Variants in ST6GALNAC1 observed in about 807,000 individuals in gnomAD.
ST6GALNAC1 encodes the protein alpha-N-acetylgalactosaminide alpha-2,6-sialyltransferase 1.
Under a neutral mutation model 56.8 loss-of-function variants are expected in ST6GALNAC1, and 45 were observed. The ratio of observed to expected loss-of-function variants is 0.79; its 90% CI spans 0.62 to 1.02. ST6GALNAC1 has a LOEUF of 1.02. Among genes scored for constraint, ST6GALNAC1 ranks in the 50% least tolerant of loss-of-function variants. The probability of loss-of-function intolerance (pLI) is 0.00; values close to 1 mark genes in which losing one functional copy is unlikely to be tolerated. For synonymous variants in ST6GALNAC1, 295 were observed against 297.8 expected (o/e 0.99, Z 0.10); for missense variants, 743 against 754.8 (o/e 0.98, Z 0.18).
At chr17:76,639,286 G>A (rs925736881) in intron 1 of ST6GALNAC1, among the ~76,000 whole-genome samples, 1 of 152,100 alleles carries the variant, frequency 6.6e-6, no homozygotes, top group Non-Finnish European at 1.5e-5. Flanking sequence ...AGACAAATAA[G>A]ACAATGCCGG....
chr17:76,620,981 A>C (rs747723079), downstream of ST6GALNAC1, among the ~76,000 whole-genome samples: 1 of 152,172 alleles, frequency 6.6e-6, no homozygotes, highest in Non-Finnish European at 1.5e-5. Context: ...AGAGAACTGT[A>C]ACCTAACTTG....
intron 1 of ST6GALNAC1, among the ~76,000 whole-genome samples, chr17:76,635,790 T>C (rs1325913337): frequency 6.6e-6 from 1 of 152,170 alleles, no homozygotes; most frequent in Non-Finnish European, 1.5e-5. Context: ...TGCTAGAGAT[T>C]AAAGATAAAA....
chr17:76,637,584 A>G (rs973406884), intron 1 of ST6GALNAC1: 1 of 396,740 alleles, frequency 2.5e-6, no homozygotes, highest in African/African-American at 2.1e-5. Flanking sequence ...AAAAAAACCC[A>G]AAAAAAGTCT....
rs1254491385 is a variant in ST6GALNAC1, at chr17:76,627,806, A to G, written c.832-223T>C. Among the ~76,000 whole-genome samples the G allele has an allele frequency of 5.3e-5, 8 of 152,112 alleles. No homozygotes were observed. In the East Asian group the frequency reaches 1.5e-3, roughly 29 times the overall value. ...ATGGGTGTTCTCGGCCATCGAGGCAAATGCACCTAGGCCGGGTGTGGTGGC... is the reference window on the plus strand; with the variant it reads ...ATGGGTGTTCTCGGCCATCGAGGCAGATGCACCTAGGCCGGGTGTGGTGGC... On this transcript the variant is annotated intron_variant, in intron 2 of 8. Coordinates refer to ENST00000156626, the MANE Select transcript of ST6GALNAC1 (RefSeq NM_018414.5). This position sits in a 1 kb window ranked among gnomAD's most constrained non-coding sequence, Gnocchi z 4.4.
In ST6GALNAC1 at chr17:76,626,332, G is replaced by A; in HGVS notation, c.1372C>T (p.Leu458Phe). Reference sequence around the variant, plus strand: ...TTTGACATCACCGTCTGATTCATAAGCAGTGCTTCCAGCCACTCATAGTCC... The same window carrying A: ...TTTGACATCACCGTCTGATTCATAAACAGTGCTTCCAGCCACTCATAGTCC... The part of the protein sequence containing the change: ...TRDYEWLEAL[L>F]MNQTVMSKNL... The change falls in exon 6 of 9, where the codon CTT becomes TTT. Residue 458 changes from leucine (L) to phenylalanine (F), a missense_variant. Physicochemically the swap from Leu to Phe is conservative, Grantham distance 22. Transcript: ENST00000156626. 2 of 1,614,214 alleles carry A rather than the reference G, an allele frequency of 1.2e-6. No individual in the cohort carries two copies. Among genetic ancestry groups the A allele is most frequent in the Non-Finnish European group, 1.7e-6 (2 of 1,180,032 alleles).
chr17:76,631,127 A>T (rs1178143577), intron 1 of ST6GALNAC1, among the ~76,000 whole-genome samples: 1 of 151,400 alleles, frequency 6.6e-6, no homozygotes, highest in Non-Finnish European at 1.5e-5. Context: ...GTGTGTGTTT[A>T]GAGACTGGAT....
chr17:76,633,098 A>G (rs2075929318), intron 1 of ST6GALNAC1, among the ~76,000 whole-genome samples: 1 of 152,136 alleles, frequency 6.6e-6, no homozygotes, highest in Non-Finnish European at 1.5e-5. Flanking sequence ...AATCCCAGCT[A>G]TTCCGGAGGC....
intron 1 of ST6GALNAC1, among the ~76,000 whole-genome samples, chr17:76,634,837 T>TCG (rs1485370388): frequency 3.9e-5 from 6 of 152,042 alleles, no homozygotes; most frequent in African/African-American, 1.4e-4. Context: ...TGAGCTGAGA[T>TCG]CGTACCACTG....
At chr17:76,619,766 GGC>G (rs2075722369), downstream of ST6GALNAC1, among the ~76,000 whole-genome samples, 1 of 76,474 alleles carries the variant, frequency 1.3e-5, no homozygotes, top group Non-Finnish European at 2.5e-5. Context: ...TTTTTTTTTA[GGC>G]AGAGTCTCAC....
chr17:76,627,072 C>G lies in ST6GALNAC1; in HGVS notation c.1167G>C (p.Val389=), dbSNP rs1657633174. 1 of 1,544,760 alleles carries G rather than the reference C, an allele frequency of 6.5e-7. No homozygotes were observed. Reference sequence around the variant, plus strand: ...CTTGGGTGGGGACAGCTTACCGGAACACGTAGTCGTGACTGTCTATCTCCT... The same window carrying G: ...CTTGGGTGGGGACAGCTTACCGGAAGACGTAGTCGTGACTGTCTATCTCCT... ...MGQEIDSHDY[V]FRLSGALIKG... The change falls in exon 4 of 9, where the codon GTG becomes GTC. Residue 389 remains valine, a synonymous_variant. Transcript: ENST00000156626. The surrounding 1 kb of genome is among the most constrained non-coding windows in gnomAD (Gnocchi z 4.4).
At position 76,627,783 on chromosome 17, in the gene ST6GALNAC1, G is replaced by C. The variant is rs78856096; in HGVS notation, c.832-200C>G. ...TGTGGTCCTGAGGGTTCTGGGAAAT[G>C]GGTGTTCTCGGCCATCGAGGCAAAT... On this transcript the variant is annotated intron_variant, in intron 2 of 8. Transcript: ENST00000156626. The surrounding 1 kb of genome is among the most constrained non-coding windows in gnomAD (Gnocchi z 4.4). Among the ~76,000 whole-genome samples, 1,760 of 152,294 alleles carry C rather than the reference G, an allele frequency of 0.012. 19 individuals are homozygous for C. Among genetic ancestry groups the C allele is most frequent in the Non-Finnish European group, 0.019 (1,319 of 68,004 alleles).
At chr17:76,621,709 A>G (rs925244407), downstream of ST6GALNAC1, among the ~76,000 whole-genome samples, 1 of 152,046 alleles carries the variant, frequency 6.6e-6, no homozygotes, top group Non-Finnish European at 1.5e-5. Context: ...TCCTGACCTC[A>G]GGTGATCCGC....
At chr17:76,637,731 A>C in intron 1 of ST6GALNAC1, 1 of 399,028 alleles carries the variant, frequency 2.5e-6, no homozygotes, top group East Asian at 3.6e-5. Flanking sequence ...AGCCCTTGAT[A>C]CCATCCTGCA....
downstream of ST6GALNAC1, among the ~76,000 whole-genome samples, chr17:76,622,833 G>T (rs1168371564): frequency 2.1e-5 from 3 of 141,918 alleles, no homozygotes; most frequent in Non-Finnish European, 3.0e-5. Flanking sequence ...TTGCTCTATC[G>T]CCCAGGCTGG....
At chr17:76,618,355 A>C in the ST6GALNAC1 span, among the ~76,000 whole-genome samples, 1 of 152,142 alleles carries the variant, frequency 6.6e-6, no homozygotes, top group Admixed American at 6.5e-5. Context: ...TGTTTCAGAG[A>C]GATTCTTTAA....
At position 76,627,799 on chromosome 17, in the gene ST6GALNAC1, C is replaced by T. The variant is rs367949095; in HGVS notation, c.832-216G>A. On this transcript the variant is annotated intron_variant, in intron 2 of 8. Transcript: ENST00000156626. The surrounding 1 kb of genome is among the most constrained non-coding windows in gnomAD (Gnocchi z 4.4). ...CTGGGAAATGGGTGTTCTCGGCCATCGAGGCAAATGCACCTAGGCCGGGTG... is the reference window on the plus strand; with the variant it reads ...CTGGGAAATGGGTGTTCTCGGCCATTGAGGCAAATGCACCTAGGCCGGGTG... Among the ~76,000 whole-genome samples, 1 of 152,086 alleles carries T rather than the reference C, an allele frequency of 6.6e-6. No individual in the cohort carries two copies. The highest frequency in any genetic ancestry group is 6.6e-5 in the Admixed American group (1 of 15,262).
In ST6GALNAC1 at chr17:76,629,482, T is replaced by A; in HGVS notation, c.361A>T (p.Arg121Trp). 2 of 1,614,136 alleles carry A rather than the reference T, an allele frequency of 1.2e-6. No individual in the cohort carries two copies. Among genetic ancestry groups the A allele is most frequent in the Non-Finnish European group, 1.7e-6 (2 of 1,180,022 alleles). ...TTTTCTGGGCTCTTCCATGCTGCCC[T>A]CTGTGCTGTGTGGGGCACCTTGTCC... is the stretch of plus-strand genomic sequence containing the variant. The part of the protein sequence containing the change: ...EQDKVPHTAQ[R>W]AAWKSPEKEK... The change falls in exon 2 of 9, where the codon AGG becomes TGG. Residue 121 changes from arginine to tryptophan, a missense_variant. Transcript: ENST00000156626.
downstream of ST6GALNAC1, among the ~76,000 whole-genome samples, chr17:76,623,196 A>G (rs1005874921): frequency 6.6e-6 from 1 of 152,042 alleles, no homozygotes; most frequent in African/African-American, 2.4e-5. Flanking sequence ...CTATTTCTGG[A>G]CCTTCTGTTC....
intron 5 of ST6GALNAC1, 127 bp downstream of exon 5, chr17:76,626,524 C>G: frequency 6.6e-7 from 1 of 1,518,858 alleles, no homozygotes; most frequent in Non-Finnish European, 9.1e-7. Flanking sequence ...CACTCCTGCC[C>G]TTATAGGAGG....
Sources: gnomAD v4.1 joint callset for allele counts (sites outside exome capture counted in the v4.1 genomes callset) on GRCh38, gnomAD v4.1.1 for gene constraint, Gnocchi (gnomAD v3.1) non-coding constraint, MANE v1.5 for transcripts, NCBI Gene and HGNC (gene_info 2026-07-23, HGNC 2026-07-21) for gene names.